ZDHHC19: variants seen among roughly 807,000 people sequenced by gnomAD.
ZDHHC19 encodes zDHHC palmitoyltransferase 19.
ZDHHC19 carries 30 observed loss-of-function variants against 33.9 expected under a neutral mutation model. The ratio of observed to expected loss-of-function variants is 0.88; its 90% CI spans 0.66 to 1.20. ZDHHC19 has a LOEUF of 1.20. Ranked by LOEUF, ZDHHC19 falls within the 50% of genes most tolerant of loss-of-function variation. The pLI is 0.00. For missense variants in ZDHHC19, 364 were observed against 401.1 expected (o/e 0.91, Z 0.79); for synonymous variants, 178 against 167.6 (o/e 1.06, Z -0.48).
chr3:196,209,364 A>T lies in ZDHHC19; in HGVS notation c.408+12T>A. The T allele has an allele frequency of 6.3e-7, 1 of 1,589,784 alleles. No individual in the cohort carries two copies. The highest frequency in any genetic ancestry group is 8.6e-7 in the Non-Finnish European group (1 of 1,168,696). ...GGGGCGATGGCTGGTGGACAGGTAGAGGGGCACTCACCTCCACACAGATGT... is the reference window on the plus strand; with the variant it reads ...GGGGCGATGGCTGGTGGACAGGTAGTGGGGCACTCACCTCCACACAGATGT... On this transcript the variant is annotated intron_variant, in intron 3 of 7. Coordinates refer to ENST00000296326, the MANE Select transcript of ZDHHC19 (RefSeq NM_001039617.2).
rs370579688 is a variant in ZDHHC19, at chr3:196,197,984, C to G, written c.*20-259G>C. Among the ~76,000 whole-genome samples the G allele has an allele frequency of 6.6e-6, 1 of 152,170 alleles. No individual in the cohort carries two copies. The highest frequency in any genetic ancestry group is 1.5e-5 in the Non-Finnish European group (1 of 68,024). ...CACCCCCTGGCCAAATTATAAACCA[C>G]GAGACTCATCTCAGTCCTGCGAGTA... On this transcript the variant is annotated intron_variant, in intron 7 of 7. Coordinates refer to ENST00000296326, the MANE Select transcript of ZDHHC19 (RefSeq NM_001039617.2). This position sits in a 1 kb window ranked among gnomAD's most constrained non-coding sequence, Gnocchi z 4.4.
At chr3:196,199,535 A>G (rs1401636226) in intron 5 of ZDHHC19, 1 of 157,268 alleles carries the variant, frequency 6.4e-6, no homozygotes, top group African/African-American at 2.4e-5. Flanking sequence ...GGAGGGAGGA[A>G]AAGTCTGGAC....
chr3:196,199,596 G>T (rs959078115), intron 5 of ZDHHC19: 1 of 155,272 alleles, frequency 6.4e-6, no homozygotes, highest in Non-Finnish European at 1.5e-5. Flanking sequence ...AGGGCAATAC[G>T]CATCCTTGCA....
chr3:196,206,391 C>G (rs1722732804), intron 5 of ZDHHC19, among the ~76,000 whole-genome samples: 3 of 152,216 alleles, frequency 2.0e-5, no homozygotes, highest in Non-Finnish European at 4.4e-5. Context: ...CTCTATTGCC[C>G]AGGCTGGAGT....
intron 1 of ZDHHC19, 56 bp from the exon 2 acceptor site, chr3:196,210,793 A>G: frequency 6.3e-7 from 1 of 1,591,396 alleles, no homozygotes; most frequent in Non-Finnish European, 8.6e-7. Flanking sequence ...CCCCCGGCCC[A>G]AGGCCTGTGG....
At chr3:196,210,285 A>AGAAAGAAAGAAAGAAAGAAAGAAAGAAG (rs750596258) in intron 2 of ZDHHC19, among the ~76,000 whole-genome samples, 2 of 139,562 alleles carry the variant, frequency 1.4e-5, no homozygotes, top group African/African-American at 5.5e-5. Flanking sequence ...AAAGAAAGAA[A>AGAAAGAAAGAAAGAAAGAAAGAAAGAAG]GAAGGAAGGA....
intron 3 of ZDHHC19, chr3:196,209,171 C>G (rs376460680): frequency 7.2e-6 from 5 of 698,180 alleles, no homozygotes; most frequent in East Asian, 5.7e-5. Context: ...ATGTCAGCAC[C>G]TCTGCAGGCA....
In ZDHHC19 at chr3:196,207,506, G is replaced by A. The variant is rs1182335174; in HGVS notation, c.582-3C>T. ...CGGCGGACACGGCCACCACGATGCTGCGCGGGTTAAGGAACCGGGCTGCGG... is the reference window on the plus strand; with the variant it reads ...CGGCGGACACGGCCACCACGATGCTACGCGGGTTAAGGAACCGGGCTGCGG... On this transcript the variant is annotated splice_region_variant and splice_polypyrimidine_tract_variant and intron_variant, in intron 4 of 7. Transcript: ENST00000296326. The A allele has an allele frequency of 2.6e-6, 4 of 1,553,030 alleles. No homozygotes were observed. The highest frequency in any genetic ancestry group is 3.4e-4 in the Middle Eastern group (2 of 5,916).
intron 5 of ZDHHC19, among the ~76,000 whole-genome samples, chr3:196,207,151 C>T (rs1263603921): frequency 6.6e-6 from 1 of 152,200 alleles, no homozygotes; most frequent in Non-Finnish European, 1.5e-5. Context: ...TGTAGCCTTA[C>T]TCACCTCTAT....
chr3:196,198,705 G>A (rs1225549300), intron 6 of ZDHHC19, 84 bp downstream of exon 6: 7 of 1,605,964 alleles, frequency 4.4e-6, no homozygotes, highest in Non-Finnish European at 6.0e-6. Flanking sequence ...GTAAGGGCCT[G>A]GGGCTGTGGT....
chr3:196,205,586 T>C (rs1447224976), intron 5 of ZDHHC19, among the ~76,000 whole-genome samples: 1 of 152,212 alleles, frequency 6.6e-6, no homozygotes, highest in Non-Finnish European at 1.5e-5. Context: ...TATCCGTGTG[T>C]CAGAACTCAT....
chr3:196,202,791 C>T (rs1436108954), intron 5 of ZDHHC19, among the ~76,000 whole-genome samples: 2 of 152,182 alleles, frequency 1.3e-5, no homozygotes, highest in Admixed American at 1.3e-4. Flanking sequence ...GCACAGCGGC[C>T]GGCTGAAGCT....
chr3:196,208,634 G>A (rs1163187524), intron 3 of ZDHHC19, 74 bp from the exon 4 acceptor site: 2 of 1,534,530 alleles, frequency 1.3e-6, no homozygotes, highest in Admixed American at 2.0e-5. Context: ...AAATCCTGAG[G>A]CCCTCCCCCT....
In ZDHHC19 at chr3:196,211,120, C is replaced by A. The variant is rs773076129; in HGVS notation, c.146+50G>T. On this transcript the variant is annotated intron_variant, in intron 1 of 7. Transcript: ENST00000296326. The stretch of plus-strand genomic sequence containing the variant: ...GCCTCCATCCTATCATCTTCTGTTT[C>A]CCTGGCTGTCTCTTTGTGGGAAACC... 1.9e-6 allele frequency: 3 copies of A among 1,613,684 alleles called. No homozygotes were observed. The Admixed American group carries it at 5.0e-5, about 27-fold the overall frequency.
Position 196,199,809 on chromosome 3 carries a change from G to A in ZDHHC19, c.688-935C>T, listed in dbSNP as rs34898770. Among the ~76,000 whole-genome samples the A allele has an allele frequency of 9.6e-3, 1,452 of 151,856 alleles. 56 individuals are homozygous for A. Among genetic ancestry groups the A allele is most frequent in the African/African-American group, 0.034 (1,390 of 41,214 alleles). ...AAATACAAAAAATTAGCCAGGCGTG[G>A]TGGCGGGTGCCTGTGATCCCAGCTA... On this transcript the variant is annotated intron_variant, in intron 5 of 7. Transcript: ENST00000296326.
At chr3:196,207,351 C>A (rs1367105017) in intron 5 of ZDHHC19, 47 bp downstream of exon 5, 1 of 1,502,782 alleles carries the variant, frequency 6.7e-7, no homozygotes, top group Non-Finnish European at 9.0e-7. Flanking sequence ...GCGCGGGAAG[C>A]GCGGAGGTCC....
rs147932886 is a variant in ZDHHC19 at position 196,197,508 on chromosome 3, G to T, written c.*237C>A. 2.6e-3 allele frequency: 401 copies of T among 152,522 alleles called. 1 individual carries two copies. Among genetic ancestry groups the T allele is most frequent in the Admixed American group, 5.3e-3 (81 of 15,290 alleles). The allele number at this position is 152,522 out of a possible 1,614,324, so 9.4% of individuals were successfully genotyped here. ...TGAGGGTCTTGGCAGTCCCACCAGG[G>T]GAGTGGGCAAAGGGCAAGGCACAGA... On this transcript the variant is annotated 3_prime_UTR_variant, in exon 8 of 8. Transcript: ENST00000296326. This position sits in a 1 kb window ranked among gnomAD's most constrained non-coding sequence, Gnocchi z 4.4.
At chr3:196,199,201 T>G in intron 5 of ZDHHC19, 2 of 318,372 alleles carry the variant, frequency 6.3e-6, no homozygotes, top group South Asian at 2.9e-5. Context: ...GAACACGCAA[T>G]GCGGTAAAGG....
intron 2 of ZDHHC19, among the ~76,000 whole-genome samples, chr3:196,209,940 C>T (rs1723079491): frequency 1.3e-5 from 2 of 152,194 alleles, no homozygotes; most frequent in South Asian, 4.1e-4. Context: ...GCCTGTAATC[C>T]CAGCACTTTG....
Sources: gnomAD v4.1 joint callset for allele counts (sites outside exome capture counted in the v4.1 genomes callset) on GRCh38, gnomAD v4.1.1 for gene constraint, Gnocchi (gnomAD v3.1) non-coding constraint, MANE v1.5 for transcripts, NCBI Gene and HGNC (gene_info 2026-07-23, HGNC 2026-07-21) for gene names.